MYO19: variants seen among roughly 807,000 people sequenced by gnomAD.
The protein encoded by MYO19 is myosin XIX, also known as unconventional myosin-XIX.
A neutral mutation model predicts 129.2 loss-of-function variants in MYO19; 132 were observed. That is an observed-to-expected ratio of 1.02 (90% CI 0.89 to 1.18). The LOEUF is 1.18. Among genes scored for constraint, MYO19 ranks in the 50% most tolerant of loss-of-function variants. MYO19 has a pLI of 0.00. For synonymous variants in MYO19, 531 were observed against 477.2 expected, an observed-to-expected ratio of 1.11 and a Z score of -1.47; for missense variants, 1,210 against 1,216.7, an observed-to-expected ratio of 0.99 and a Z score of 0.08.
At chr17:36,498,874 C>T in intron 24 of MYO19, 1 of 593,638 alleles carries the variant, frequency 1.7e-6, no homozygotes, top group East Asian at 2.8e-5. Context: ...GTTGCTTATA[C>T]CACTCTTCAC....
At chr17:36,507,177 G>T in intron 16 of MYO19, 38 bp from the exon 17 acceptor site, 1 of 1,579,910 alleles carries the variant, frequency 6.3e-7, no homozygotes, top group Non-Finnish European at 8.6e-7. Flanking sequence ...ACCAACATGA[G>T]AGTGTCTCAC....
intron 6 of MYO19, among the ~76,000 whole-genome samples, chr17:36,524,125 G>A (rs934691605): frequency 7.2e-5 from 11 of 152,296 alleles, no homozygotes; most frequent in African/African-American, 2.6e-4. Context: ...AATTCTGGGG[G>A]ACAAGGCTTC....
intron 24 of MYO19, 68 bp from the exon 25 acceptor site, chr17:36,498,627 A>C: frequency 6.8e-7 from 1 of 1,469,622 alleles, no homozygotes; most frequent in Non-Finnish European, 9.1e-7. Flanking sequence ...ATGGAAATCA[A>C]AACTATCTTT....
chr17:36,535,842 C>T (rs1284508822), upstream of MYO19, among the ~76,000 whole-genome samples: 12 of 150,802 alleles, frequency 8.0e-5, no homozygotes, highest in South Asian at 2.1e-3. Flanking sequence ...TTTTTTTTCA[C>T]TCCTGGCCTT....
chr17:36,521,334 T>C (rs1340834151), intron 6 of MYO19, among the ~76,000 whole-genome samples: 1 of 152,064 alleles, frequency 6.6e-6, no homozygotes, highest in Non-Finnish European at 1.5e-5. Flanking sequence ...ATGACAAATA[T>C]CATAAATGTT....
chr17:36,498,731 C>T, intron 24 of MYO19, 172 bp from the exon 25 acceptor site: 2 of 676,194 alleles, frequency 3.0e-6, no homozygotes, highest in Non-Finnish European at 4.9e-6. Flanking sequence ...CAAGTCTATA[C>T]ACCCCAGGCA....
Position 36,509,108 on chromosome 17 carries a change from G to C in MYO19, c.1185C>G (p.Ile395Met). 1.2e-6 allele frequency: 2 copies of C among 1,613,850 alleles called. No homozygotes were observed. Among genetic ancestry groups the C allele is most frequent in the Admixed American group, 3.3e-5 (2 of 60,010 alleles). ...CGGTGTCTGCACAGATGCTGCTGTTGATCACTGATACCAGCCAGTCAAACA... is the reference window on the plus strand; with the variant it reads ...CGGTGTCTGCACAGATGCTGCTGTTCATCACTGATACCAGCCAGTCAAACA... ...ARLFDWLVSVINSSICADTDS... is the reference protein window; with the variant it reads ...ARLFDWLVSVMNSSICADTDS... The change falls in exon 14 of 26, where the codon ATC becomes ATG. Residue 395 changes from isoleucine to methionine, a missense_variant. Ile to Met is a conservative substitution (Grantham distance 10). Coordinates refer to ENST00000614623, the MANE Select transcript of MYO19 (RefSeq NM_001163735.2).
At chr17:36,518,951 G>A (rs1599356240) in intron 6 of MYO19, among the ~76,000 whole-genome samples, 1 of 152,078 alleles carries the variant, frequency 6.6e-6, no homozygotes, top group Admixed American at 6.6e-5. Context: ...TCAGCTCAAG[G>A]AACATAGTTT....
At chr17:36,543,496 G>T (rs1260915484), upstream of MYO19, 1 of 152,230 alleles carries the variant, frequency 6.6e-6, no homozygotes, top group Non-Finnish European at 1.5e-5. Context: ...CTTCGGGAAT[G>T]AACAATGGTT....
At chr17:36,502,104 G>A (rs1438887562) in intron 21 of MYO19, 4 of 152,628 alleles carry the variant, frequency 2.6e-5, no homozygotes, top group African/African-American at 9.6e-5. Flanking sequence ...CCCAGGGTAA[G>A]GCTGGGTGGG....
chr17:36,528,223 G>A, intron 3 of MYO19, 21 bp from the exon 4 acceptor site: 1 of 1,554,236 alleles, frequency 6.4e-7, no homozygotes, highest in Non-Finnish European at 8.7e-7. Flanking sequence ...TAACGTGAAG[G>A]TGAGGCCAGG....
upstream of MYO19, among the ~76,000 whole-genome samples, chr17:36,536,496 G>A (rs1176908506): frequency 6.7e-6 from 1 of 149,710 alleles, no homozygotes; most frequent in African/African-American, 2.5e-5. Context: ...TCCCAAATTC[G>A]CTCTCTTTTC....
At chr17:36,496,501 TATGGACA>T (rs1030027669) in intron 25 of MYO19, 95 bp from the exon 26 acceptor site, 221 of 1,169,574 alleles carry the variant, frequency 1.9e-4, no homozygotes, top group African/African-American at 1.5e-3. Context: ...TGCAAGAAGG[TATGGACA>T]AGTACTAGTA....
upstream of MYO19, chr17:36,536,985 CA>C (rs541366475): frequency 1.1e-4 from 107 of 961,052 alleles, no homozygotes; most frequent in African/African-American, 1.7e-3. Flanking sequence ...CATTAGGGCC[CA>C]AAGTTCTGCT....
intron 13 of MYO19, 90 bp downstream of exon 13, chr17:36,510,656 G>T: frequency 7.1e-7 from 1 of 1,408,384 alleles, no homozygotes; most frequent in Non-Finnish European, 9.6e-7. Context: ...CTGGGCCTGT[G>T]CCTATTGCCT....
At chr17:36,497,724 A>AGTCC (rs1567724120) in intron 25 of MYO19, 1 of 188,564 alleles carries the variant, frequency 5.3e-6, no homozygotes, top group African/African-American at 2.4e-5. Context: ...AGCTGGGACT[A>AGTCC]CAGGCGCCTG....
intron 20 of MYO19, 61 bp downstream of exon 20, chr17:36,503,889 T>C: frequency 7.3e-7 from 1 of 1,360,624 alleles, no homozygotes; most frequent in South Asian, 1.6e-5. Flanking sequence ...TCTTGCCCAA[T>C]GAGAGTCCTG....
At chr17:36,538,259 T>C (rs1156596709), upstream of MYO19, 1 of 1,613,392 alleles carries the variant, frequency 6.2e-7, no homozygotes, top group Admixed American at 1.7e-5. Context: ...TCCTTCTTAG[T>C]AGTTTATTAC....
At position 36,506,961 on chromosome 17, in the gene MYO19, A is replaced by G. The variant is rs769918580; in HGVS notation, c.1644+2T>C. ...CCCCACAGGGCATGGCCCAGCCCGTACCTTGTTCTTCTCCACCAGGCCTGC... is the reference window on the plus strand; with the variant it reads ...CCCCACAGGGCATGGCCCAGCCCGTGCCTTGTTCTTCTCCACCAGGCCTGC... On this transcript the variant is annotated splice_donor_variant, in intron 17 of 25. Transcript: ENST00000614623. LOFTEE classifies it high-confidence loss of function. 2.5e-4 allele frequency: 404 copies of G among 1,591,230 alleles called. 1 individual carries two copies. The highest frequency in any genetic ancestry group is 3.3e-4 in the Non-Finnish European group (387 of 1,163,710).
Sources: allele counts gnomAD v4.1 joint callset (sites outside exome capture counted in the v4.1 genomes callset), GRCh38; gene constraint gnomAD v4.1.1; transcripts MANE v1.5; gene names NCBI Gene and HGNC (gene_info 2026-07-23, HGNC 2026-07-21).